Variants in ZSWIM5 observed in about 807,000 individuals in gnomAD.
ZSWIM5 encodes zinc finger SWIM domain-containing protein 5.
In ZSWIM5, 55 loss-of-function variants were observed where a neutral mutation model predicts 119.6. The ratio of observed to expected loss-of-function variants is 0.46; its 90% CI spans 0.37 to 0.58. The LOEUF is 0.58. Ranked by LOEUF, ZSWIM5 falls within the 20% of genes least tolerant of loss-of-function variation. The pLI is 0.00. For missense variants in ZSWIM5, 1,193 were observed against 1,512.8 expected, an observed-to-expected ratio of 0.79 and a Z score of 3.51; for synonymous variants, 537 against 606.9, an observed-to-expected ratio of 0.88 and a Z score of 1.69.
rs1382472426 is a variant in ZSWIM5 at position 45,072,498 on chromosome 1, G to A, written c.953-12251C>T. 6.6e-6 allele frequency among the ~76,000 whole-genome samples: 1 copy of A among 151,926 alleles called. No individual in the cohort carries two copies. Among genetic ancestry groups the A allele is most frequent in the Non-Finnish European group, 1.5e-5 (1 of 68,020 alleles). On this transcript the variant is annotated intron_variant, in intron 2 of 13. Coordinates refer to ENST00000359600, the MANE Select transcript of ZSWIM5 (RefSeq NM_020883.2). The surrounding 1 kb of genome is among the most constrained non-coding windows in gnomAD (Gnocchi z 4.1). ...TTATTACTCAAGAAATCTTTGCCCA[G>A]TCCAGTGTCCTAGAGAGTTTCCCCA...
intron 1 of ZSWIM5, among the ~76,000 whole-genome samples, chr1:45,104,773 C>A (rs934709223): frequency 2.2e-4 from 33 of 152,306 alleles, no homozygotes; most frequent in African/African-American, 7.5e-4. Context: ...ACTCCTCTGG[C>A]AAATCAAGTG....
intron 1 of ZSWIM5, among the ~76,000 whole-genome samples, chr1:45,109,570 C>A (rs1194581915): frequency 6.6e-6 from 1 of 151,950 alleles, no homozygotes; most frequent in Non-Finnish European, 1.5e-5. Context: ...ATGGTGAAAC[C>A]CTGTCTCTAC....
chr1:45,194,256 C>T (rs1482617947), intron 1 of ZSWIM5, among the ~76,000 whole-genome samples: 1 of 152,048 alleles, frequency 6.6e-6, no homozygotes, highest in Non-Finnish European at 1.5e-5. Context: ...TAATTATCTC[C>T]AAGGCTTTCA....
intron 5 of ZSWIM5, among the ~76,000 whole-genome samples, chr1:45,045,293 T>C (rs1645047521): frequency 6.6e-6 from 1 of 152,118 alleles, no homozygotes; most frequent in Non-Finnish European, 1.5e-5. Context: ...ATTTAAACTA[T>C]TTTGGGATCA....
At chr1:45,200,316 T>TA (rs1213689745) in intron 1 of ZSWIM5, among the ~76,000 whole-genome samples, 1 of 152,204 alleles carries the variant, frequency 6.6e-6, no homozygotes, top group African/African-American at 2.4e-5. Flanking sequence ...ATGATTTTCT[T>TA]AGTCTACTAG....
chr1:45,109,224 T>C (rs535249082), intron 1 of ZSWIM5, among the ~76,000 whole-genome samples: 77 of 152,318 alleles, frequency 5.1e-4, no homozygotes, highest in South Asian at 1.7e-3. Flanking sequence ...GCAGAAGATA[T>C]TCATTCTCAT....
At chr1:45,165,363 A>G (rs1387847464) in intron 1 of ZSWIM5, among the ~76,000 whole-genome samples, 2 of 152,164 alleles carry the variant, frequency 1.3e-5, no homozygotes, top group African/African-American at 4.8e-5. Context: ...AAGAGAAAGC[A>G]GGAAAGATCT....
At chr1:45,123,208 T>C (rs778619778) in intron 1 of ZSWIM5, among the ~76,000 whole-genome samples, 60 of 152,160 alleles carry the variant, frequency 3.9e-4, no homozygotes, top group Non-Finnish European at 6.9e-4. Flanking sequence ...ATGTCCAGGT[T>C]TAAAATCACT....
At chr1:45,102,764 G>A (rs1231117579) in intron 1 of ZSWIM5, among the ~76,000 whole-genome samples, 2 of 151,902 alleles carry the variant, frequency 1.3e-5, no homozygotes, top group East Asian at 1.9e-4. Flanking sequence ...TTACTGAGAC[G>A]GTGAGCAAAG....
At chr1:45,025,915 T>C (rs1007522829) in intron 11 of ZSWIM5, among the ~76,000 whole-genome samples, 3 of 152,192 alleles carry the variant, frequency 2.0e-5, no homozygotes, top group Non-Finnish European at 4.4e-5. Context: ...TCCTATCTTA[T>C]TGTATTAGTT....
chr1:45,054,446 G>A (rs1055487857), intron 4 of ZSWIM5, among the ~76,000 whole-genome samples: 1 of 151,576 alleles, frequency 6.6e-6, no homozygotes, highest in Non-Finnish European at 1.5e-5. Context: ...GCCGGGCGTG[G>A]TGGTGCGCGC....
At chr1:45,141,737 T>C (rs1375789168) in intron 1 of ZSWIM5, among the ~76,000 whole-genome samples, 1 of 152,040 alleles carries the variant, frequency 6.6e-6, no homozygotes, top group East Asian at 1.9e-4. Flanking sequence ...AAAACTGGAA[T>C]GGTTATAGTA....
At chr1:45,028,550 G>A (rs1381387268) in intron 11 of ZSWIM5, among the ~76,000 whole-genome samples, 1 of 152,102 alleles carries the variant, frequency 6.6e-6, no homozygotes, top group East Asian at 1.9e-4. Context: ...GAGGTCAGGA[G>A]TTTGAGACCA....
intron 4 of ZSWIM5, among the ~76,000 whole-genome samples, chr1:45,054,455 G>A (rs1310855262): frequency 5.9e-5 from 9 of 151,818 alleles, no homozygotes; most frequent in East Asian, 1.9e-4. Context: ...GGTGGTGCGC[G>A]CCTGTAGTCT....
At chr1:45,117,850 G>A (rs150233276) in intron 1 of ZSWIM5, among the ~76,000 whole-genome samples, 14 of 152,308 alleles carry the variant, frequency 9.2e-5, no homozygotes, top group African/African-American at 3.4e-4. Flanking sequence ...AGAATGGCAA[G>A]TCAATCTATA....
intron 1 of ZSWIM5, among the ~76,000 whole-genome samples, chr1:45,093,004 C>G (rs1421325385): frequency 1.3e-5 from 2 of 152,130 alleles, no homozygotes; most frequent in Non-Finnish European, 2.9e-5. Flanking sequence ...ATTTTGATTA[C>G]TATTACTACT....
At chr1:45,124,960 T>C (rs1402569081) in intron 1 of ZSWIM5, among the ~76,000 whole-genome samples, 1 of 152,122 alleles carries the variant, frequency 6.6e-6, no homozygotes, top group Non-Finnish European at 1.5e-5. Context: ...CTGACTGACC[T>C]GAAAAAAGAT....
At chr1:45,145,548 T>TA (rs1317429305) in intron 1 of ZSWIM5, among the ~76,000 whole-genome samples, 7 of 152,016 alleles carry the variant, frequency 4.6e-5, no homozygotes, top group Middle Eastern at 3.4e-3. Context: ...TTATGCTGAG[T>TA]AAAAAAAGCC....
chr1:45,088,408 T>C lies in ZSWIM5; in HGVS notation c.596-171A>G, dbSNP rs531914948. ...GGTCAATGAAATTCAGTTACTGCTC[T>C]GAAGAAACACACAATATAGAAAGAG... On this transcript the variant is annotated intron_variant, in intron 1 of 13. Transcript: ENST00000359600. The surrounding 1 kb of genome is among the most constrained non-coding windows in gnomAD (Gnocchi z 4.2). Among the ~76,000 whole-genome samples the C allele has an allele frequency of 3.3e-5, 5 of 152,342 alleles. No homozygotes were observed. The highest frequency in any genetic ancestry group is 1.2e-4 in the African/African-American group (5 of 41,584).
Sources: allele counts gnomAD v4.1 joint callset (sites outside exome capture counted in the v4.1 genomes callset), GRCh38; gene constraint gnomAD v4.1.1; non-coding constraint Gnocchi (gnomAD v3.1); transcripts MANE v1.5; gene names NCBI Gene and HGNC (gene_info 2026-07-23, HGNC 2026-07-21).